The following HELZ variants were observed in gnomAD, a reference collection of about 807,000 sequenced individuals.
HELZ encodes helicase with zinc finger.
Under a neutral mutation model 218.2 loss-of-function variants are expected in HELZ, and 23 were observed. The ratio of observed to expected loss-of-function variants is 0.11; its 90% CI spans 0.08 to 0.15. HELZ has a LOEUF of 0.15. Ranked by LOEUF, HELZ falls within the 10% of genes least tolerant of loss-of-function variation. The pLI is 1.00. For missense variants in HELZ, 1,813 were observed against 2,353.7 expected (o/e 0.77, Z 4.75); for synonymous variants, 814 against 829.4 (o/e 0.98, Z 0.32).
In HELZ at chr17:67,089,668, T is replaced by TATATAGAGAG. The variant is rs71293575; in HGVS notation, c.5242-2588_5242-2587insCTCTCTATAT. 1.7e-3 allele frequency among the ~76,000 whole-genome samples: 121 copies of TATATAGAGAG among 70,648 alleles called. 2 individuals carry two copies. Among genetic ancestry groups the TATATAGAGAG allele is most frequent in the African/African-American group, 6.6e-3 (109 of 16,564 alleles). 46.3% of individuals were successfully genotyped at this position (70,648 alleles called of 152,430 possible). On this transcript the variant is annotated intron_variant, in intron 31 of 32. Transcript: ENST00000358691. ...GATTTTATATATATATATATATATA[T>TATATAGAGAG]AGAGAGAGAGAGAGAGAGAGAGAGA... is the stretch of plus-strand genomic sequence containing the variant.
chr17:67,123,823 G>A (rs2037696522), intron 25 of HELZ, 140 bp downstream of exon 25: 3 of 684,956 alleles, frequency 4.4e-6, no homozygotes, highest in African/African-American at 1.8e-5. Flanking sequence ...GACTGTGTGT[G>A]TGTGTGTGTG....
chr17:67,168,651 G>A (rs1335069854), intron 13 of HELZ, among the ~76,000 whole-genome samples: 1 of 152,152 alleles, frequency 6.6e-6, no homozygotes, highest in South Asian at 2.1e-4. Flanking sequence ...ATGGAGGCAG[G>A]TCTCATGCAG....
chr17:67,221,840 GTGT>G (rs1331078160), intron 3 of HELZ, among the ~76,000 whole-genome samples: 2 of 145,020 alleles, frequency 1.4e-5, no homozygotes, highest in African/African-American at 5.1e-5. Flanking sequence ...GCTGTTTTTT[GTGT>G]TTTTTTTTTT....
intron 27 of HELZ, among the ~76,000 whole-genome samples, chr17:67,117,202 A>C (rs1019252621): frequency 6.6e-6 from 1 of 152,110 alleles, no homozygotes; most frequent in Non-Finnish European, 1.5e-5. Context: ...GTACACACAG[A>C]ACATTTACCA....
intron 3 of HELZ, among the ~76,000 whole-genome samples, chr17:67,220,659 T>C (rs1211674872): frequency 6.6e-6 from 1 of 152,010 alleles, no homozygotes; most frequent in Non-Finnish European, 1.5e-5. Context: ...AATCGTTATT[T>C]TATTTTATTT....
intron 24 of HELZ, among the ~76,000 whole-genome samples, chr17:67,124,548 CTG>C (rs1275717747): frequency 3.3e-5 from 5 of 152,182 alleles, no homozygotes. Flanking sequence ...AAAAGGGGAA[CTG>C]TCATTATTTG....
Position 67,123,137 on chromosome 17 carries a change from T to G in HELZ, c.3463A>C (p.Ile1155Leu). 1 of 1,613,158 alleles carries G rather than the reference T, an allele frequency of 6.2e-7. No homozygotes were observed. Among genetic ancestry groups the G allele is most frequent in the Non-Finnish European group, 8.5e-7 (1 of 1,179,266 alleles). The part of the protein sequence containing the change: ...GIVQPNPSVL[I>L]GNPIRAYTPP... ...GTATATGCTCTAATAGGATTGCCAA[T>G]AAGTACAGAAGGATTGGGCTGAACT... Residue 1155 changes from isoleucine (I) to leucine (L), a missense_variant, in exon 26 of 33, where the codon ATT (isoleucine) becomes CTT (leucine). By Grantham distance (5) the Ile-to-Leu change is conservative. Coordinates refer to ENST00000358691, the MANE Select transcript of HELZ (RefSeq NM_014877.4).
chr17:67,230,843 A>G (rs1173969653), intron 3 of HELZ, among the ~76,000 whole-genome samples: 2 of 152,178 alleles, frequency 1.3e-5, no homozygotes, highest in Non-Finnish European at 2.9e-5. Context: ...TTCAAATCAG[A>G]CTTTAAAACT....
intron 2 of HELZ, among the ~76,000 whole-genome samples, chr17:67,240,253 CT>C (rs776528687): frequency 1.3e-5 from 2 of 152,172 alleles, no homozygotes; most frequent in Non-Finnish European, 2.9e-5. Context: ...ATGACCATGC[CT>C]TTTCTGACTT....
chr17:67,175,240 G>T (rs944139809), intron 13 of HELZ, among the ~76,000 whole-genome samples: 1 of 152,054 alleles, frequency 6.6e-6, no homozygotes, highest in Non-Finnish European at 1.5e-5. Flanking sequence ...AACAAAAAAA[G>T]AAGAAGAAAT....
At chr17:67,144,385 G>T (rs962764571) in intron 21 of HELZ, among the ~76,000 whole-genome samples, 2 of 151,524 alleles carry the variant, frequency 1.3e-5, no homozygotes, top group African/African-American at 4.9e-5. Context: ...TGAAAGTCAA[G>T]GTGGTTTGAA....
intron 27 of HELZ, among the ~76,000 whole-genome samples, chr17:67,118,849 A>T (rs1379974100): frequency 6.6e-6 from 1 of 152,192 alleles, no homozygotes; most frequent in African/African-American, 2.4e-5. Flanking sequence ...ATATAAATAG[A>T]GGTTTCATCA....
Position 67,077,659 on chromosome 17 carries a change from C to A in HELZ, c.*593G>T, listed in dbSNP as rs1189959030. The A allele has an allele frequency of 7.1e-6, 1 of 141,826 alleles. No individual in the cohort carries two copies. Among genetic ancestry groups the A allele is most frequent in the African/African-American group, 2.7e-5 (1 of 37,656 alleles). The allele number at this position is 141,826 out of a possible 1,614,324, so 8.8% of individuals were successfully genotyped here. On this transcript the variant is annotated 3_prime_UTR_variant, in exon 33 of 33. Coordinates refer to ENST00000358691, the MANE Select transcript of HELZ (RefSeq NM_014877.4). ...TCTATCCTATGGTGGATGGAGATTA[C>A]AACAACACATCATACATAGTCTAAA...
rs775540719 is a variant in HELZ, at chr17:67,166,530, C to T, written c.1843G>A (p.Val615Ile). The part of the protein sequence containing the change: ...YALDRIKDNG[V>I]LFPDISMTPT... ...GTCATACTGATGTCTGGAAACAAAA[C>T]CCCATTGTCCTTGATCCTGTCTAGT... Residue 615 changes from valine (V) to isoleucine (I), a missense_variant, in exon 15 of 33, where the codon GTT becomes ATT. Physicochemically the swap from Val to Ile is conservative, Grantham distance 29 (BLOSUM62 3). This residue lies in a region of HELZ where 714 missense variants were observed against 1,029.2 expected (regional missense o/e 0.69). Transcript: ENST00000358691. The T allele has an allele frequency of 1.9e-6, 3 of 1,613,152 alleles. No homozygotes were observed. The highest frequency in any genetic ancestry group is 3.3e-4 in the Middle Eastern group (2 of 6,054).
chr17:67,228,908 G>A (rs1462334570), intron 3 of HELZ, among the ~76,000 whole-genome samples: 1 of 152,098 alleles, frequency 6.6e-6, no homozygotes, highest in Admixed American at 6.6e-5. Context: ...AGTGGAGTCA[G>A]GGTGTCTCTG....
At chr17:67,144,993 G>A (rs1214937018) in intron 21 of HELZ, among the ~76,000 whole-genome samples, 8 of 151,938 alleles carry the variant, frequency 5.3e-5, no homozygotes, top group Non-Finnish European at 7.4e-5. Context: ...ATGTCTTAAC[G>A]GAAAAATGAA....
intron 3 of HELZ, among the ~76,000 whole-genome samples, chr17:67,222,938 G>A (rs1361235198): frequency 1.3e-5 from 2 of 152,050 alleles, no homozygotes; most frequent in African/African-American, 4.8e-5. Context: ...GTAACAGCCA[G>A]ATCCAAGGGC....
rs547691933 is a variant in HELZ, at chr17:67,244,753, C to T, written c.-132+395G>A. 6.7e-5 allele frequency: 66 copies of T among 983,734 alleles called. No individual in the cohort carries two copies. In the East Asian group the frequency reaches 4.1e-3, roughly 61 times the overall value. The allele number at this position is 983,734 out of a possible 1,614,324, so 60.9% of individuals were successfully genotyped here. ...GAGCGGGGCGTGGGAGGCCCGCACG[C>T]TCCCCACCCCCAGCCGCGACCCGGA... On this transcript the variant is annotated intron_variant, in intron 1 of 32. Coordinates refer to ENST00000358691, the MANE Select transcript of HELZ (RefSeq NM_014877.4).
At chr17:67,113,261 GATTA>G (rs1232228490) in intron 28 of HELZ, among the ~76,000 whole-genome samples, 1 of 151,794 alleles carries the variant, frequency 6.6e-6, no homozygotes, top group Non-Finnish European at 1.5e-5. Context: ...GAAGAGGAGA[GATTA>G]ATTTTTTTTT....
Sources: gnomAD v4.1 joint callset for allele counts (sites outside exome capture counted in the v4.1 genomes callset) on GRCh38, gnomAD v4.1.1 for gene constraint, gnomAD v4.1.1 regional missense constraint, MANE v1.5 for transcripts, NCBI Gene and HGNC (gene_info 2026-07-23, HGNC 2026-07-21) for gene names.